RAB43: variants seen among roughly 807,000 people sequenced by gnomAD.
RAB43 encodes the protein RAB43, member RAS oncogene family, also known as ras-related protein Rab-43.
In RAB43, 6 loss-of-function variants were observed where a neutral mutation model predicts 18.8. That is an observed-to-expected ratio of 0.32 (90% CI 0.17 to 0.63). The LOEUF (loss-of-function observed/expected upper bound fraction) is 0.63. RAB43 is among the 30% of genes least tolerant of loss of function. The probability of loss-of-function intolerance (pLI) is 0.79; values close to 1 mark genes in which losing one functional copy is unlikely to be tolerated. For synonymous variants in RAB43, 103 were observed against 124.1 expected (o/e 0.83, Z 1.13); for missense variants, 195 against 289.1 (o/e 0.67, Z 2.36).
At chr3:129,111,333 G>A (rs567873492) in intron 1 of RAB43, among the ~76,000 whole-genome samples, 1 of 151,958 alleles carries the variant, frequency 6.6e-6, no homozygotes, top group African/African-American at 2.4e-5. Flanking sequence ...TGGCCAACAT[G>A]GTGAAACCTC....
At chr3:129,091,564 A>G (rs963308906) in intron 2 of RAB43, among the ~76,000 whole-genome samples, 2 of 152,226 alleles carry the variant, frequency 1.3e-5, no homozygotes, top group African/African-American at 4.8e-5. Context: ...AGGCAGGAAG[A>G]CTGCTTGAGC....
intron 1 of RAB43, among the ~76,000 whole-genome samples, chr3:129,099,972 C>T (rs1934318050): frequency 6.6e-6 from 1 of 152,006 alleles, no homozygotes; most frequent in Non-Finnish European, 1.5e-5. Flanking sequence ...GAACTAATGA[C>T]TGAAAAATCT....
intron 1 of RAB43, among the ~76,000 whole-genome samples, chr3:129,097,857 A>G (rs906482521): frequency 3.3e-5 from 5 of 152,134 alleles, no homozygotes; most frequent in African/African-American, 7.2e-5. Flanking sequence ...ACCCCTAAAA[A>G]AGGAAAAACT....
At chr3:129,099,236 C>T (rs888637783) in intron 1 of RAB43, among the ~76,000 whole-genome samples, 1 of 150,980 alleles carries the variant, frequency 6.6e-6, no homozygotes, top group Non-Finnish European at 1.5e-5. Flanking sequence ...GGACTATAGG[C>T]GTCCACCACC....
intron 2 of RAB43, among the ~76,000 whole-genome samples, chr3:129,094,111 C>G (rs1933859392): frequency 6.6e-6 from 1 of 152,210 alleles, no homozygotes; most frequent in East Asian, 1.9e-4. Flanking sequence ...GTGGGTGTCA[C>G]TTGGGAATTT....
At chr3:129,118,840 T>A (rs1393121421) in intron 1 of RAB43, among the ~76,000 whole-genome samples, 1 of 152,230 alleles carries the variant, frequency 6.6e-6, no homozygotes, top group African/African-American at 2.4e-5. Flanking sequence ...GGAAAGGTTT[T>A]ACACTGAATC....
At chr3:129,100,756 C>T (rs1934361349) in intron 1 of RAB43, among the ~76,000 whole-genome samples, 1 of 152,176 alleles carries the variant, frequency 6.6e-6, no homozygotes, top group African/African-American at 2.4e-5. Flanking sequence ...AGCCTGAGCT[C>T]ATGACCTGAT....
rs1933615975 is a variant in RAB43, at chr3:129,091,124, A to T, written c.611T>A (p.Ile204Asn). Reference sequence around the variant, plus strand: ...GCACCCGCAGCCCCAGCCTTCTCCGATGTCCTTGCTGTTCAGCTGGATGTG... The same window carrying T: ...GCACCCGCAGCCCCAGCCTTCTCCGTTGTCCTTGCTGTTCAGCTGGATGTG... ...PDHIQLNSKD[I>N]GEGWGCGC Residue 204 changes from isoleucine (I) to asparagine (N), a missense_variant, in exon 3 of 3, where the codon ATC becomes AAC. Transcript: ENST00000315150. The T allele has an allele frequency of 4.4e-6, 7 of 1,600,268 alleles. No individual in the cohort carries two copies. Among genetic ancestry groups the T allele is most frequent in the Non-Finnish European group, 6.0e-6 (7 of 1,175,020 alleles).
chr3:129,121,622 C>T lies in RAB43; in HGVS notation c.-133G>A. ...ACGTGGAGCCGCCGCAACACCTGAA[C>T]CCCCAGCACTGCCGACCGCCTGCCT... On this transcript the variant is annotated 5_prime_UTR_variant, in exon 1 of 3. Coordinates refer to ENST00000315150, the MANE Select transcript of RAB43 (RefSeq NM_198490.3). 1.5e-6 allele frequency: 1 copy of T among 652,624 alleles called. No homozygotes were observed. Among genetic ancestry groups the T allele is most frequent in the Non-Finnish European group, 2.4e-6 (1 of 419,936 alleles). The allele number at this position is 652,624 out of a possible 1,614,324, so 40.4% of individuals were successfully genotyped here.
At chr3:129,114,019 G>A (rs778315030) in intron 1 of RAB43, among the ~76,000 whole-genome samples, 3 of 151,912 alleles carry the variant, frequency 2.0e-5, no homozygotes, top group Non-Finnish European at 4.4e-5. Flanking sequence ...GTGACAGAGC[G>A]AGACTCCGTC....
intron 1 of RAB43, among the ~76,000 whole-genome samples, chr3:129,117,630 C>T (rs1935635240): frequency 6.6e-6 from 1 of 152,182 alleles, no homozygotes; most frequent in South Asian, 2.1e-4. Context: ...CTGTCAACCC[C>T]AATCTTTCTA....
chr3:129,102,573 T>G (rs972306879), intron 1 of RAB43, among the ~76,000 whole-genome samples: 11 of 139,644 alleles, frequency 7.9e-5, no homozygotes, highest in African/African-American at 2.7e-4. Context: ...GAGCTTGCAG[T>G]GAGCCGAGAT....
intron 1 of RAB43, among the ~76,000 whole-genome samples, chr3:129,099,410 G>A (rs1443418025): frequency 5.6e-5 from 8 of 143,210 alleles, no homozygotes; most frequent in South Asian, 4.4e-4. Context: ...TTTTTGAGAC[G>A]GAGTTTCGCT....
rs774678622 is a variant in RAB43 at position 129,095,183 on chromosome 3, G to A, written c.205-14C>T. The stretch of plus-strand genomic sequence containing the variant: ...CCAGATCTGCAGCTAAAGAAATAAG[G>A]TTCCTCAGTGAACCCAGTGGCACAG... On this transcript the variant is annotated splice_polypyrimidine_tract_variant and intron_variant, in intron 1 of 2. Coordinates refer to ENST00000315150, the MANE Select transcript of RAB43 (RefSeq NM_198490.3). The surrounding 1 kb of genome is among the most constrained non-coding windows in gnomAD (Gnocchi z 4.2). The A allele has an allele frequency of 2.5e-6, 4 of 1,611,256 alleles. No homozygotes were observed. The highest frequency in any genetic ancestry group is 3.4e-6 in the Non-Finnish European group (4 of 1,178,376).
chr3:129,103,447 T>C (rs564356156), intron 1 of RAB43, among the ~76,000 whole-genome samples: 44 of 152,340 alleles, frequency 2.9e-4, no homozygotes, highest in African/African-American at 1.0e-3. Flanking sequence ...TCTAGCTGCC[T>C]GCTGGCCATT....
intron 2 of RAB43, 82 bp from the exon 3 acceptor site, chr3:129,091,428 C>G: frequency 2.0e-6 from 3 of 1,472,416 alleles, no homozygotes; most frequent in Non-Finnish European, 2.7e-6. Context: ...GCTGACAGCC[C>G]CATGCCACTC....
rs781776821 is a variant in RAB43, at chr3:129,095,002, A to C, written c.372T>G (p.Ile124Met). The change falls in exon 2 of 3, where the codon ATT (isoleucine) becomes ATG (methionine). Residue 124 changes from isoleucine to methionine, a missense_variant. Ile to Met is a conservative substitution (Grantham distance 10, BLOSUM62 1). Transcript: ENST00000315150. The surrounding 1 kb of genome is among the most constrained non-coding windows in gnomAD (Gnocchi z 4.2). Reference sequence around the variant, plus strand: ...CCAACTCACCGATCAGCAGCTGCACAATGTTGGAGCCCGCATACTTCCTCA... The same window carrying C: ...CCAACTCACCGATCAGCAGCTGCACCATGTTGGAGCCCGCATACTTCCTCA... ...EDVRKYAGSN[I>M]VQLLIGNKSD... The C allele has an allele frequency of 2.5e-6, 4 of 1,610,974 alleles. No homozygotes were observed. The highest frequency in any genetic ancestry group is 2.2e-5 in the South Asian group (2 of 90,752).
At chr3:129,092,355 G>C (rs1933719618) in intron 2 of RAB43, 1 of 485,172 alleles carries the variant, frequency 2.1e-6, no homozygotes, top group African/African-American at 2.0e-5. Flanking sequence ...GGTTTGATGT[G>C]AATTTGTCTC....
intron 1 of RAB43, among the ~76,000 whole-genome samples, chr3:129,113,978 G>A (rs1316239528): frequency 1.3e-5 from 2 of 152,074 alleles, no homozygotes; most frequent in Middle Eastern, 6.3e-3. Flanking sequence ...AGTGAGCCGG[G>A]ATCACGCCTC....
Sources: gnomAD v4.1 joint callset for allele counts (sites outside exome capture counted in the v4.1 genomes callset) on GRCh38, gnomAD v4.1.1 for gene constraint, Gnocchi (gnomAD v3.1) non-coding constraint, MANE v1.5 for transcripts, NCBI Gene and HGNC (gene_info 2026-07-23, HGNC 2026-07-21) for gene names.